CRB1: variants seen among roughly 807,000 people sequenced by gnomAD.
CRB1 encodes the protein protein crumbs homolog 1.
A neutral mutation model predicts 120.0 loss-of-function variants in CRB1; 83 were observed. The ratio of observed to expected loss-of-function variants is 0.69; its 90% CI spans 0.58 to 0.83. CRB1 has a LOEUF of 0.83. Among genes scored for constraint, CRB1 ranks in the 40% least tolerant of loss-of-function variants. The probability of loss-of-function intolerance (pLI) is 0.00; values close to 1 mark genes in which losing one functional copy is unlikely to be tolerated. For missense variants in CRB1, 1,699 were observed against 1,687.6 expected (o/e 1.01, Z -0.12); for synonymous variants, 625 against 612.5 (o/e 1.02, Z -0.30).
At chr1:197,461,742 G>C (rs567198817) in intron 11 of CRB1, among the ~76,000 whole-genome samples, 2 of 152,128 alleles carry the variant, frequency 1.3e-5, no homozygotes, top group African/African-American at 2.4e-5. Flanking sequence ...AATCTGTAGA[G>C]CTTTCCCCTC....
intron 8 of CRB1, among the ~76,000 whole-genome samples, chr1:197,431,427 A>C (rs1411897166): frequency 6.6e-6 from 1 of 152,208 alleles, no homozygotes. Flanking sequence ...ATTTTAAATG[A>C]TACTTTTTCA....
intron 11 of CRB1, among the ~76,000 whole-genome samples, chr1:197,453,927 T>C: frequency 2.4e-5 from 1 of 41,622 alleles, no homozygotes; most frequent in South Asian, 8.8e-4. Context: ...TTGATATTAT[T>C]ATATTATTAA....
At chr1:197,222,644 A>G in the CRB1 span, 1 of 777,244 alleles carries the variant, frequency 1.3e-6, no homozygotes, top group Non-Finnish European at 2.4e-6. Flanking sequence ...CAGTGTTTGA[A>G]GACCTTTCAG....
At chr1:197,440,689 A>G (rs1665391556) in intron 10 of CRB1, 1 of 152,258 alleles carries the variant, frequency 6.6e-6, no homozygotes, top group Non-Finnish European at 1.5e-5. Flanking sequence ...GCTATCTCCC[A>G]TGGCCTAGGG....
intron 1 of CRB1, chr1:197,304,251 A>G (rs1657040006): frequency 8.9e-6 from 2 of 225,166 alleles, no homozygotes; most frequent in Admixed American, 6.5e-5. Flanking sequence ...CTTTAATAAG[A>G]TTATTGTCTA....
intron 1 of CRB1, among the ~76,000 whole-genome samples, chr1:197,269,815 A>G (rs572226721): frequency 5.4e-4 from 82 of 152,344 alleles, no homozygotes; most frequent in African/African-American, 1.8e-3. Context: ...AATTAAAAGT[A>G]TAGTAACTAT....
In CRB1 at chr1:197,445,895, G is replaced by A. The variant is rs866241834; in HGVS notation, c.4005+3603G>A. The stretch of plus-strand genomic sequence containing the variant: ...TCAAAATAAGCTGAAGTTATGGTAA[G>A]GAATGTGGGTTAGACTGGGTGTGGT... On this transcript the variant is annotated intron_variant, in intron 11 of 11. Transcript: ENST00000367400. 1.1e-4 allele frequency among the ~76,000 whole-genome samples: 16 copies of A among 152,290 alleles called. No individual in the cohort carries two copies. In the Middle Eastern group the frequency reaches 0.01, roughly 97 times the overall value.
intron 1 of CRB1, among the ~76,000 whole-genome samples, chr1:197,314,826 T>C (rs1444170227): frequency 6.6e-6 from 1 of 152,220 alleles, no homozygotes; most frequent in African/African-American, 2.4e-5. Context: ...AACTCTCTAA[T>C]TTCTGACAGT....
intron 5 of CRB1, among the ~76,000 whole-genome samples, chr1:197,376,465 C>T (rs2125392065): frequency 6.6e-6 from 1 of 152,256 alleles, no homozygotes; most frequent in South Asian, 2.1e-4. Flanking sequence ...CACTTCTTCC[C>T]CATCTCAGTA....
Position 197,435,106 on chromosome 1 carries a change from T to C in CRB1, c.3243T>C (p.Tyr1081=), listed in dbSNP as rs1665078340. The C allele has an allele frequency of 1.2e-6, 2 of 1,613,958 alleles. No homozygotes were observed. Among genetic ancestry groups the C allele is most frequent in the Non-Finnish European group, 1.7e-6 (2 of 1,179,878 alleles). ...TTTTGAAGGATAATACAGATATTTA[T>C]GTGGGAGACAGAGCTATTGACAATA... The part of the protein sequence containing the change: ...LNFLKDNTDI[Y]VGDRAIDNIK... Residue 1081 remains tyrosine, a synonymous_variant, in exon 9 of 12, where the codon TAT becomes TAC. Coordinates refer to ENST00000367400, the MANE Select transcript of CRB1 (RefSeq NM_201253.3).
In CRB1 at chr1:197,328,694, G is replaced by A. The variant is rs775950653; in HGVS notation, c.343G>A (p.Gly115Ser). Reference sequence around the variant, plus strand: ...CTGTGAAACTACCATTGGTTCCTGTGGCAAGAACTCCTGCCAACATGGAGG... The same window carrying A: ...CTGTGAAACTACCATTGGTTCCTGTAGCAAGAACTCCTGCCAACATGGAGG... ...TICETTIGSC[G>S]KNSCQHGGIC... The change falls in exon 2 of 12, where the codon GGC becomes AGC. Residue 115 changes from glycine (G) to serine (S), a missense_variant. Physicochemically the swap from Gly to Ser is moderately conservative, Grantham distance 56. Transcript: ENST00000367400. The A allele has an allele frequency of 1.2e-6, 2 of 1,613,340 alleles. No individual in the cohort carries two copies. Among genetic ancestry groups the A allele is most frequent in the African/African-American group, 1.3e-5 (1 of 75,016 alleles).
Position 197,461,447 on chromosome 1 carries a change from T to C in CRB1, c.4006-16217T>C, listed in dbSNP as rs1666526020. Among the ~76,000 whole-genome samples the C allele has an allele frequency of 2.6e-5, 4 of 152,108 alleles. 1 individual carries two copies. The highest frequency in any genetic ancestry group is 5.9e-5 in the Non-Finnish European group (4 of 68,018). ...GATGGAAAGAGCCTGGGGTGGGTTA[T>C]GAGAGCCATGAAGGTGATGCACATG... On this transcript the variant is annotated intron_variant, in intron 11 of 11. Transcript: ENST00000367400.
chr1:197,382,171 A>G (rs1661990110), intron 5 of CRB1, among the ~76,000 whole-genome samples: 1 of 152,190 alleles, frequency 6.6e-6, no homozygotes, highest in Non-Finnish European at 1.5e-5. Flanking sequence ...CAAAATATAG[A>G]CAATAACAGT....
At chr1:197,427,384 A>G in intron 6 of CRB1, 70 bp from the exon 7 acceptor site, 1 of 1,429,746 alleles carries the variant, frequency 7.0e-7, no homozygotes, top group Non-Finnish European at 9.8e-7. Context: ...TTCGTCTTCC[A>G]TCCCTTCTGT....
At chr1:197,374,480 AG>A (rs1661540617) in intron 5 of CRB1, among the ~76,000 whole-genome samples, 1 of 152,048 alleles carries the variant, frequency 6.6e-6, no homozygotes, top group African/African-American at 2.4e-5. Context: ...GCCCTGTCAA[AG>A]GGTAGTCACC....
chr1:197,279,078 T>C (rs1445580953), intron 1 of CRB1, among the ~76,000 whole-genome samples: 1 of 151,918 alleles, frequency 6.6e-6, no homozygotes, highest in Non-Finnish European at 1.5e-5. Flanking sequence ...TCAAGCTTGC[T>C]TCGAAATTAT....
At chr1:197,280,920 G>A (rs1475240347) in intron 1 of CRB1, among the ~76,000 whole-genome samples, 3 of 151,636 alleles carry the variant, frequency 2.0e-5, no homozygotes, top group Non-Finnish European at 2.9e-5. Flanking sequence ...GTATGACATC[G>A]GATTAAAAAA....
At chr1:197,207,175 T>C in the CRB1 span, among the ~76,000 whole-genome samples, 1 of 152,176 alleles carries the variant, frequency 6.6e-6, no homozygotes, top group Non-Finnish European at 1.5e-5. Context: ...TCTGCCATTC[T>C]GTATCTTTTA....
intron 5 of CRB1, among the ~76,000 whole-genome samples, chr1:197,405,016 T>C (rs1663269037): frequency 6.6e-6 from 1 of 152,064 alleles, no homozygotes; most frequent in Admixed American, 6.5e-5. Context: ...GCAATAGCAG[T>C]AGCTATTGTT....
Sources: gnomAD v4.1 joint callset for allele counts (sites outside exome capture counted in the v4.1 genomes callset) on GRCh38, gnomAD v4.1.1 for gene constraint, MANE v1.5 for transcripts, NCBI Gene and HGNC (gene_info 2026-07-23, HGNC 2026-07-21) for gene names.